The following FNTB variants were observed in gnomAD, a reference collection of about 807,000 sequenced individuals.
The protein encoded by FNTB is protein farnesyltransferase subunit beta.
Under a neutral mutation model 59.4 loss-of-function variants are expected in FNTB, and 27 were observed. That is an observed-to-expected ratio of 0.45 (90% confidence interval 0.34 to 0.63). FNTB has a LOEUF of 0.63. Ranked by LOEUF, FNTB falls within the 20% of genes least tolerant of loss-of-function variation. The probability of loss-of-function intolerance (pLI) is 0.02; values close to 1 mark genes in which losing one functional copy is unlikely to be tolerated. For missense variants in FNTB, 449 were observed against 559.6 expected (o/e 0.80, Z 1.99); for synonymous variants, 230 against 220.7 (o/e 1.04, Z -0.37).
chr14:65,030,860 C>T lies in FNTB; in HGVS notation c.606-1750C>T, dbSNP rs982223188. On this transcript the variant is annotated intron_variant, in intron 6 of 11. Transcript: ENST00000246166. This position sits in a 1 kb window ranked among gnomAD's most constrained non-coding sequence, Gnocchi z 4.5. ...TTTCTTTCTGTTGCCCAGGCAGGAG[C>T]GCAGTGGTGGGATCTTGGCTCACTG... 1.6e-4 allele frequency among the ~76,000 whole-genome samples: 24 copies of T among 151,960 alleles called. No homozygotes were observed. The highest frequency in any genetic ancestry group is 3.9e-4 in the African/African-American group (16 of 41,380).
In FNTB at chr14:65,032,019, T is replaced by C. The variant is rs918724931; in HGVS notation, c.606-591T>C. ...GTGTGTGTGTGTGTGTGTGTGTGTG[T>C]ACTGGTGAGAGGTTTGAAATCAAGG... On this transcript the variant is annotated intron_variant, in intron 6 of 11. Transcript: ENST00000246166. The surrounding 1 kb of genome is among the most constrained non-coding windows in gnomAD (Gnocchi z 5.0). 2.0e-5 allele frequency among the ~76,000 whole-genome samples: 3 copies of C among 148,666 alleles called. No individual in the cohort carries two copies. The highest frequency in any genetic ancestry group is 4.2e-4 in the South Asian group (2 of 4,730).
intron 7 of FNTB, among the ~76,000 whole-genome samples, chr14:65,035,402 G>C (rs72728258): frequency 0.089 from 13,492 of 152,244 alleles, 840 homozygotes; most frequent in Admixed American, 0.16. Flanking sequence ...TCAGTGTACA[G>C]CTGTCATTTG....
intron 1 of FNTB, among the ~76,000 whole-genome samples, chr14:64,992,308 A>G (rs986797526): frequency 6.6e-6 from 1 of 152,230 alleles, no homozygotes; most frequent in Non-Finnish European, 1.5e-5. Flanking sequence ...ATATAAGTGA[A>G]AAATACCTGC....
intron 7 of FNTB, among the ~76,000 whole-genome samples, chr14:65,034,753 T>C (rs956482857): frequency 6.6e-6 from 1 of 152,238 alleles, no homozygotes; most frequent in Non-Finnish European, 1.5e-5. Flanking sequence ...ATGTCTGCTT[T>C]AAATTGCTTG....
At chr14:65,053,501 T>G in intron 10 of FNTB, 152 bp downstream of exon 10, 1 of 622,468 alleles carries the variant, frequency 1.6e-6, no homozygotes, top group Non-Finnish European at 2.3e-6. Flanking sequence ...AGCACCCAGT[T>G]GGGAGCACCC....
At chr14:65,048,117 G>A (rs2062524836) in intron 9 of FNTB, among the ~76,000 whole-genome samples, 1 of 150,532 alleles carries the variant, frequency 6.6e-6, no homozygotes, top group Non-Finnish European at 1.5e-5. Flanking sequence ...GTGTAGCTGG[G>A]ATTACAGGCG....
rs1388483549 is a variant in FNTB, at chr14:65,016,927, T to TG, written c.374+1211_374+1212insG. ...CAAAGAAAGGCCCACGTGGTTTTTT[T>TG]TTTTTTTTTTTTTGAGACAGAGTTT... On this transcript the variant is annotated intron_variant, in intron 4 of 11. Coordinates refer to ENST00000246166, the MANE Select transcript of FNTB (RefSeq NM_002028.4). 3.1e-4 allele frequency among the ~76,000 whole-genome samples: 45 copies of TG among 145,738 alleles called. No homozygotes were observed. In the East Asian group the frequency reaches 7.5e-3, roughly 24 times the overall value.
chr14:65,036,607 G>A lies in FNTB; in HGVS notation c.692+3911G>A, dbSNP rs76781239. Among the ~76,000 whole-genome samples, 215 of 152,346 alleles carry A rather than the reference G, an allele frequency of 1.4e-3. 6 individuals carry two copies. The East Asian group carries it at 0.026, about 19-fold the overall frequency. On this transcript the variant is annotated intron_variant, in intron 7 of 11. Coordinates refer to ENST00000246166, the MANE Select transcript of FNTB (RefSeq NM_002028.4). ...CCACTGTGCTGTACTACCTGGCAGT[G>A]CCATTGTGATTCTTAATTCTCTGTA...
In FNTB at chr14:65,061,222, G is replaced by T; in HGVS notation, c.1224G>T (p.Val408=). 6.2e-7 allele frequency: 1 copy of T among 1,614,170 alleles called. No homozygotes were observed. The highest frequency in any genetic ancestry group is 1.7e-4 in the Middle Eastern group (1 of 6,060). The change falls in exon 12 of 12, where the codon GTG becomes GTT. Residue 408 remains valine, a synonymous_variant. Coordinates refer to ENST00000246166, the MANE Select transcript of FNTB (RefSeq NM_002028.4). ...TGTACAACATTGGACCAGACAAGGTGATCCAGGCCACTACATACTTTCTAC... is the reference window on the plus strand; with the variant it reads ...TGTACAACATTGGACCAGACAAGGTTATCCAGGCCACTACATACTTTCTAC... ...HPVYNIGPDK[V]IQATTYFLQK...
intron 2 of FNTB, among the ~76,000 whole-genome samples, chr14:65,005,495 T>TTCTCTCTC (rs1029926949): frequency 1.5e-5 from 2 of 136,638 alleles, no homozygotes; most frequent in Admixed American, 1.4e-4. Context: ...CTTTCTTTCT[T>TTCTCTCTC]TCTTTCTTTC....
At chr14:64,998,220 T>C (rs1452320559) in intron 1 of FNTB, among the ~76,000 whole-genome samples, 1 of 152,228 alleles carries the variant, frequency 6.6e-6, no homozygotes, top group Non-Finnish European at 1.5e-5. Flanking sequence ...TTAGTGACTA[T>C]TGCCACTACT....
At position 65,029,449 on chromosome 14, in the gene FNTB, C is replaced by G. The variant is rs908125612; in HGVS notation, c.605+1668C>G. 3.9e-5 allele frequency among the ~76,000 whole-genome samples: 6 copies of G among 152,208 alleles called. No individual in the cohort carries two copies. The highest frequency in any genetic ancestry group is 9.7e-5 in the African/African-American group (4 of 41,450). ...GCAGTCTCTGGATGATCTTTCTGCT[C>G]TGTTACACTGCTGATAGTTTCAGAG... On this transcript the variant is annotated intron_variant, in intron 6 of 11. Transcript: ENST00000246166. This position sits in a 1 kb window ranked among gnomAD's most constrained non-coding sequence, Gnocchi z 4.7.
intron 9 of FNTB, among the ~76,000 whole-genome samples, chr14:65,050,910 AT>A (rs2062592190): frequency 6.6e-6 from 1 of 152,256 alleles, no homozygotes; most frequent in Non-Finnish European, 1.5e-5. Context: ...AGCATTCCTC[AT>A]AATGGCAAGG....
At position 64,991,824 on chromosome 14, in the gene FNTB, A is replaced by G. The variant is rs1014377680; in HGVS notation, c.144+4727A>G. Reference sequence around the variant, plus strand: ...TGTTTTGAGGGAAGACTCAGGCTTGACTGGGGGCGTTAAGATGGCTTACCA... The same window carrying G: ...TGTTTTGAGGGAAGACTCAGGCTTGGCTGGGGGCGTTAAGATGGCTTACCA... On this transcript the variant is annotated intron_variant, in intron 1 of 11. Coordinates refer to ENST00000246166, the MANE Select transcript of FNTB (RefSeq NM_002028.4). The surrounding 1 kb of genome is among the most constrained non-coding windows in gnomAD (Gnocchi z 4.4). Among the ~76,000 whole-genome samples, 1 of 151,994 alleles carries G rather than the reference A, an allele frequency of 6.6e-6. No individual in the cohort carries two copies. Among genetic ancestry groups the G allele is most frequent in the African/African-American group, 2.4e-5 (1 of 41,396 alleles).
In FNTB at chr14:65,032,720, T is replaced by C; in HGVS notation, c.692+24T>C. 6.2e-7 allele frequency: 1 copy of C among 1,609,538 alleles called. No homozygotes were observed. The highest frequency in any genetic ancestry group is 8.5e-7 in the Non-Finnish European group (1 of 1,178,238). On this transcript the variant is annotated intron_variant, in intron 7 of 11. Coordinates refer to ENST00000246166, the MANE Select transcript of FNTB (RefSeq NM_002028.4). This position sits in a 1 kb window ranked among gnomAD's most constrained non-coding sequence, Gnocchi z 5.0. Reference sequence around the variant, plus strand: ...AGGTGAGAGAAGCCAGGGTTTCTCCTGGCCTCTTGGAGAGCAGGCGGTCAC... The same window carrying C: ...AGGTGAGAGAAGCCAGGGTTTCTCCCGGCCTCTTGGAGAGCAGGCGGTCAC...
chr14:65,041,637 T>G (rs1437001084), intron 8 of FNTB, among the ~76,000 whole-genome samples: 1 of 152,210 alleles, frequency 6.6e-6, no homozygotes, highest in Non-Finnish European at 1.5e-5. Context: ...CCTCCCGTTA[T>G]GCGGCCCATC....
chr14:65,001,406 A>C lies in FNTB; in HGVS notation c.145-2843A>C, dbSNP rs898939979. ...TGGCCCAGGAGCAGTAGGCCACACT[A>C]TACAGCCTATGCGTGTGGTAGGCTA... is the stretch of plus-strand genomic sequence containing the variant. On this transcript the variant is annotated intron_variant, in intron 1 of 11. Coordinates refer to ENST00000246166, the MANE Select transcript of FNTB (RefSeq NM_002028.4). This position sits in a 1 kb window ranked among gnomAD's most constrained non-coding sequence, Gnocchi z 5.5. Among the ~76,000 whole-genome samples, 3 of 152,178 alleles carry C rather than the reference A, an allele frequency of 2.0e-5. No homozygotes were observed. Among genetic ancestry groups the C allele is most frequent in the Non-Finnish European group, 4.4e-5 (3 of 68,030 alleles).
Position 65,012,165 on chromosome 14 carries a change from T to A in FNTB, c.210-152T>A. The A allele has an allele frequency of 1.2e-6, 1 of 840,304 alleles. No individual in the cohort carries two copies. The highest frequency in any genetic ancestry group is 1.9e-6 in the Non-Finnish European group (1 of 538,962). 52.1% of individuals were successfully genotyped at this position (840,304 alleles called of 1,614,324 possible). A position where few individuals can be genotyped will look rare whatever the true frequency, so the allele number is the denominator to read the frequency against. On this transcript the variant is annotated intron_variant, in intron 2 of 11. Transcript: ENST00000246166. The surrounding 1 kb of genome is among the most constrained non-coding windows in gnomAD (Gnocchi z 5.0). ...TCTTTTCTCTGGTTTAGTTGCTCTT[T>A]GGAACCAGAGAAGTTGCTGGTTATC...
At position 65,054,017 on chromosome 14, in the gene FNTB, C is replaced by A. The variant is rs1435845146; in HGVS notation, c.1068-558C>A. ...GCTGGAGAGACTGACTTTAAAATTA[C>A]AGTTTCCTTTAATAGTTTAAGGTAA... On this transcript the variant is annotated intron_variant, in intron 10 of 11. Transcript: ENST00000246166. This position sits in a 1 kb window ranked among gnomAD's most constrained non-coding sequence, Gnocchi z 4.4. 6.6e-6 allele frequency among the ~76,000 whole-genome samples: 1 copy of A among 152,146 alleles called. No individual in the cohort carries two copies. Among genetic ancestry groups the A allele is most frequent in the East Asian group, 1.9e-4 (1 of 5,194 alleles).
Sources: allele counts gnomAD v4.1 joint callset (sites outside exome capture counted in the v4.1 genomes callset), GRCh38; gene constraint gnomAD v4.1.1; non-coding constraint Gnocchi (gnomAD v3.1); transcripts MANE v1.5; gene names NCBI Gene and HGNC (gene_info 2026-07-23, HGNC 2026-07-21).